DLG1: variants seen among roughly 807,000 people sequenced by gnomAD.
The protein encoded by DLG1 is disks large homolog 1.
In DLG1, 42 loss-of-function variants were observed where a neutral mutation model predicts 123.4. That is an observed-to-expected ratio of 0.34 (90% CI 0.27 to 0.44). The LOEUF is 0.44. Among genes scored for constraint, DLG1 ranks in the 20% least tolerant of loss-of-function variants. The pLI is 1.00. For missense variants in DLG1, 942 were observed against 1,082.6 expected (o/e 0.87, Z 1.82); for synonymous variants, 317 against 356.2 (o/e 0.89, Z 1.24).
At chr3:197,077,613 A>G (rs1748141419) in intron 17 of DLG1, among the ~76,000 whole-genome samples, 1 of 152,250 alleles carries the variant, frequency 6.6e-6, no homozygotes, top group South Asian at 2.1e-4. Context: ...TTAAGATTCT[A>G]ACAGTTTATA....
intron 4 of DLG1, among the ~76,000 whole-genome samples, chr3:197,247,082 T>C (rs957250429): frequency 6.6e-6 from 1 of 152,224 alleles, no homozygotes; most frequent in Non-Finnish European, 1.5e-5. Flanking sequence ...CTTTTAAACT[T>C]TGGACTTCTG....
intron 5 of DLG1, among the ~76,000 whole-genome samples, chr3:197,150,541 C>A (rs900480599): frequency 1.3e-5 from 2 of 152,058 alleles, no homozygotes; most frequent in African/African-American, 2.4e-5. Context: ...CCTCAAAATT[C>A]TTTCTTCTGC....
chr3:197,156,674 T>C (rs868112766), intron 5 of DLG1, among the ~76,000 whole-genome samples: 2 of 151,856 alleles, frequency 1.3e-5, no homozygotes, highest in African/African-American at 4.8e-5. Flanking sequence ...ACAGACAAAA[T>C]AGACTTTAAA....
chr3:197,211,075 T>C (rs987857911), intron 4 of DLG1, among the ~76,000 whole-genome samples: 5 of 143,026 alleles, frequency 3.5e-5, no homozygotes, highest in Non-Finnish European at 7.8e-5. Flanking sequence ...AAAAATTATA[T>C]AATTATTTCA....
intron 5 of DLG1, among the ~76,000 whole-genome samples, chr3:197,164,989 T>C (rs926344116): frequency 1.3e-5 from 2 of 151,684 alleles, no homozygotes; most frequent in Admixed American, 1.3e-4. Context: ...AAATTATCAG[T>C]ACGAACAGTT....
chr3:197,283,399 G>T (rs1017606608), intron 3 of DLG1, among the ~76,000 whole-genome samples: 2 of 151,914 alleles, frequency 1.3e-5, no homozygotes, highest in African/African-American at 2.4e-5. Flanking sequence ...GAACTAGAAG[G>T]GCTTTCGGAT....
intron 7 of DLG1, among the ~76,000 whole-genome samples, chr3:197,141,723 ATTCTTTT>A (rs2149666971): frequency 6.6e-6 from 1 of 152,146 alleles, no homozygotes; most frequent in Non-Finnish European, 1.5e-5. Context: ...GAATGCAGAT[ATTCTTTT>A]TTCTTTTTTT....
intron 4 of DLG1, among the ~76,000 whole-genome samples, chr3:197,257,277 T>G (rs539108342): frequency 4.3e-4 from 66 of 152,242 alleles, no homozygotes; most frequent in Admixed American, 1.2e-3. Flanking sequence ...TATTCATAAT[T>G]CCCAAACTGA....
chr3:197,109,285 G>C (rs1208186951), intron 13 of DLG1, among the ~76,000 whole-genome samples: 2 of 152,218 alleles, frequency 1.3e-5, no homozygotes, highest in African/African-American at 4.8e-5. Flanking sequence ...CACGAGGATT[G>C]CCTGAGTAAG....
At chr3:197,225,753 T>C (rs1739552283) in intron 4 of DLG1, 1 of 152,662 alleles carries the variant, frequency 6.6e-6, no homozygotes, top group African/African-American at 2.4e-5. Context: ...ATCTATTACA[T>C]GAATTAAAGT....
chr3:197,113,384 G>A (rs1331783657), intron 13 of DLG1, among the ~76,000 whole-genome samples: 4 of 152,102 alleles, frequency 2.6e-5, no homozygotes, highest in African/African-American at 9.7e-5. Context: ...TGTGACTGTA[G>A]ATTTGTCCAT....
intron 14 of DLG1, among the ~76,000 whole-genome samples, chr3:197,102,881 A>C (rs1376547328): frequency 6.6e-6 from 1 of 152,174 alleles, no homozygotes; most frequent in Non-Finnish European, 1.5e-5. Context: ...AAAATTACTT[A>C]TTACTTTGCT....
At chr3:197,066,372 T>TGAG (rs888785308) in intron 20 of DLG1, among the ~76,000 whole-genome samples, 2 of 151,822 alleles carry the variant, frequency 1.3e-5, no homozygotes, top group South Asian at 2.1e-4. Flanking sequence ...CCTAACTGGA[T>TGAG]GAGGAGGAGG....
At chr3:197,075,883 GT>G (rs767952057) in intron 18 of DLG1, 5 of 1,609,522 alleles carry the variant, frequency 3.1e-6, no homozygotes, top group Non-Finnish European at 4.2e-6. Flanking sequence ...GTAGAGGGTA[GT>G]CCCCAGAGAG....
chr3:197,266,294 G>A (rs992728394), intron 4 of DLG1, among the ~76,000 whole-genome samples: 33 of 152,026 alleles, frequency 2.2e-4, no homozygotes, highest in African/African-American at 7.7e-4. Context: ...ACACATAATA[G>A]AATCAGTAGA....
intron 2 of DLG1, 186 bp from the exon 3 acceptor site, chr3:197,296,663 T>C: frequency 2.0e-6 from 1 of 492,796 alleles, no homozygotes; most frequent in Non-Finnish European, 3.5e-6. Flanking sequence ...ATTAAAGAAA[T>C]ACAAGAAAAA....
chr3:197,102,270 A>T (rs899238752), intron 14 of DLG1, among the ~76,000 whole-genome samples: 4 of 152,184 alleles, frequency 2.6e-5, no homozygotes, highest in Admixed American at 1.3e-4. Context: ...TTTTTGGAAG[A>T]CTAATAAGGC....
intron 5 of DLG1, among the ~76,000 whole-genome samples, chr3:197,176,086 A>C (rs1806891314): frequency 6.6e-6 from 1 of 152,192 alleles, no homozygotes; most frequent in Non-Finnish European, 1.5e-5. Context: ...AAGAAGAATA[A>C]AACACATTTC....
At chr3:197,255,946 A>C (rs1284151325) in intron 4 of DLG1, among the ~76,000 whole-genome samples, 1 of 152,146 alleles carries the variant, frequency 6.6e-6, no homozygotes, top group Non-Finnish European at 1.5e-5. Context: ...AGAAAAAATA[A>C]TGATGATGAT....
Sources: gnomAD v4.1 joint callset for allele counts (sites outside exome capture counted in the v4.1 genomes callset) on GRCh38, gnomAD v4.1.1 for gene constraint, MANE v1.5 for transcripts, NCBI Gene and HGNC (gene_info 2026-07-23, HGNC 2026-07-21) for gene names.